Variants in ADGRL3 observed in about 807,000 individuals in gnomAD.
The protein encoded by ADGRL3 is calcium-independent alpha-latrotoxin receptor 3.
In ADGRL3, 62 loss-of-function variants were observed where a neutral mutation model predicts 153.5. The ratio of observed to expected loss-of-function variants is 0.40; its 90% CI spans 0.33 to 0.50. ADGRL3 has a LOEUF of 0.50. Ranked by LOEUF, ADGRL3 falls within the 20% of genes least tolerant of loss-of-function variation. The pLI, the probability that ADGRL3 is intolerant of heterozygous loss-of-function variation, is 0.47. For synonymous variants in ADGRL3, 710 were observed against 672.5 expected (o/e 1.06, Z -0.86); for missense variants, 1,641 against 1,859.4 (o/e 0.88, Z 2.16).
intron 1 of ADGRL3, among the ~76,000 whole-genome samples, chr4:61,243,085 GTGATATTAGACA>G (rs1755658450): frequency 1.3e-5 from 2 of 152,052 alleles, no homozygotes; most frequent in Non-Finnish European, 2.9e-5. Flanking sequence ...ACTGAAATAG[GTGATATTAGACA>G]TGAACATTTA....
At position 61,473,927 on chromosome 4, in the gene ADGRL3, A is replaced by T. The variant is rs139190898; in HGVS notation, c.-173-23194A>T. ...ATTGGGCATTATTGTCTAGGAGTGG[A>T]TATACACCTGTGGACAAATGAGAAT... is the stretch of plus-strand genomic sequence containing the variant. On this transcript the variant is annotated intron_variant, in intron 2 of 26. Coordinates refer to ENST00000683033, the MANE Select transcript of ADGRL3 (RefSeq NM_001387552.1). Among the ~76,000 whole-genome samples the T allele has an allele frequency of 2.2e-4, 33 of 152,202 alleles. No individual in the cohort carries two copies. The East Asian group carries it at 6.2e-3, about 28-fold the overall frequency.
intron 4 of ADGRL3, among the ~76,000 whole-genome samples, chr4:61,543,142 A>ACC (rs892798818): frequency 5.1e-5 from 4 of 78,416 alleles, no homozygotes; most frequent in African/African-American, 1.7e-4. Flanking sequence ...CCTCCCCCCC[A>ACC]CCCCCCCACC....
At chr4:61,597,005 T>A (rs2098991586) in intron 5 of ADGRL3, among the ~76,000 whole-genome samples, 1 of 152,126 alleles carries the variant, frequency 6.6e-6, no homozygotes, top group South Asian at 2.1e-4. Context: ...TGATTATGAT[T>A]TCCAAATGGT....
intron 1 of ADGRL3, among the ~76,000 whole-genome samples, chr4:61,372,812 G>A (rs1254361835): frequency 6.6e-6 from 1 of 152,180 alleles, no homozygotes; most frequent in Middle Eastern, 3.2e-3. Flanking sequence ...GCAATGGCGG[G>A]CGCCCCTCCC....
At chr4:61,766,994 C>T (rs1327877435) in intron 8 of ADGRL3, among the ~76,000 whole-genome samples, 2 of 151,990 alleles carry the variant, frequency 1.3e-5, no homozygotes, top group Non-Finnish European at 1.5e-5. Flanking sequence ...CTGTAGCAGG[C>T]GAGTGATAAC....
intron 4 of ADGRL3, among the ~76,000 whole-genome samples, chr4:61,539,409 G>A (rs916932816): frequency 6.6e-6 from 1 of 152,276 alleles, no homozygotes; most frequent in Middle Eastern, 3.4e-3. Flanking sequence ...TTGGCAGGCT[G>A]CACTCCCTCA....
intron 22 of ADGRL3, among the ~76,000 whole-genome samples, chr4:62,029,761 T>C (rs1720945084): frequency 6.6e-6 from 1 of 151,122 alleles, no homozygotes; most frequent in African/African-American, 2.4e-5. Context: ...AATTAACCCT[T>C]GGGCCCATCA....
chr4:61,336,491 G>A (rs1042206204), intron 1 of ADGRL3, among the ~76,000 whole-genome samples: 1 of 149,054 alleles, frequency 6.7e-6, no homozygotes, highest in African/African-American at 2.4e-5. Flanking sequence ...TTCTTGAGAC[G>A]GTCTATCTGT....
chr4:61,388,909 G>A (rs571547782), intron 2 of ADGRL3, among the ~76,000 whole-genome samples: 1 of 152,286 alleles, frequency 6.6e-6, no homozygotes, highest in African/African-American at 2.4e-5. Flanking sequence ...CTGTTTGGGA[G>A]TAGCCTCTAC....
chr4:61,346,514 A>G (rs2095911479), intron 1 of ADGRL3, among the ~76,000 whole-genome samples: 1 of 151,960 alleles, frequency 6.6e-6, no homozygotes, highest in African/African-American at 2.4e-5. Context: ...CTGTAATGTC[A>G]GCACTTTGGG....
intron 8 of ADGRL3, among the ~76,000 whole-genome samples, chr4:61,737,010 G>A (rs2096526497): frequency 6.6e-6 from 1 of 151,680 alleles, no homozygotes; most frequent in Admixed American, 6.6e-5. Context: ...AATAGAGGCT[G>A]TTTATCTTAT....
At chr4:61,299,896 G>A (rs772534966) in intron 1 of ADGRL3, among the ~76,000 whole-genome samples, 12 of 151,896 alleles carry the variant, frequency 7.9e-5, no homozygotes, top group Admixed American at 3.9e-4. Flanking sequence ...TAGAATATAC[G>A]CCATCTATTA....
chr4:61,281,090 A>T (rs537293097), intron 1 of ADGRL3, among the ~76,000 whole-genome samples: 1 of 152,092 alleles, frequency 6.6e-6, no homozygotes. Context: ...GGTATTTATC[A>T]TATATATACA....
chr4:61,757,024 G>T (rs2096841841), intron 8 of ADGRL3, among the ~76,000 whole-genome samples: 2 of 152,164 alleles, frequency 1.3e-5, no homozygotes, highest in African/African-American at 4.8e-5. Context: ...CGGTTTGCCA[G>T]AATTTTATTG....
chr4:61,209,670 A>G (rs976259766), intron 1 of ADGRL3, among the ~76,000 whole-genome samples: 5 of 152,258 alleles, frequency 3.3e-5, no homozygotes, highest in Middle Eastern at 3.4e-3. Context: ...TTAAAATGTT[A>G]TGCTCTGCTA....
chr4:61,829,472 C>T (rs2097846527), intron 9 of ADGRL3, among the ~76,000 whole-genome samples: 1 of 152,116 alleles, frequency 6.6e-6, no homozygotes, highest in South Asian at 2.1e-4. Context: ...AAATTCCATA[C>T]TCAATTATGT....
intron 4 of ADGRL3, among the ~76,000 whole-genome samples, chr4:61,529,597 G>A (rs546443899): frequency 6.6e-6 from 1 of 152,148 alleles, no homozygotes; most frequent in African/African-American, 2.4e-5. Context: ...AGTGGATTGG[G>A]GCTAGGTTAT....
At chr4:61,390,243 C>T (rs1432265911) in intron 2 of ADGRL3, among the ~76,000 whole-genome samples, 2 of 152,026 alleles carry the variant, frequency 1.3e-5, no homozygotes, top group African/African-American at 4.8e-5. Flanking sequence ...ATTTTTATGG[C>T]TAAACCCTGA....
At chr4:61,532,120 A>G (rs751948625) in intron 4 of ADGRL3, among the ~76,000 whole-genome samples, 1 of 152,234 alleles carries the variant, frequency 6.6e-6, no homozygotes, top group Non-Finnish European at 1.5e-5. Flanking sequence ...TCTTGGAATC[A>G]GAAGGCATAC....
Sources: allele counts gnomAD v4.1 joint callset (sites outside exome capture counted in the v4.1 genomes callset), GRCh38; gene constraint gnomAD v4.1.1; transcripts MANE v1.5; gene names NCBI Gene and HGNC (gene_info 2026-07-23, HGNC 2026-07-21).